Variants in ZBTB8A observed in about 807,000 individuals in gnomAD.
ZBTB8A encodes the protein zinc finger and BTB domain-containing protein 8A.
ZBTB8A carries 19 observed loss-of-function variants against 37.8 expected under a neutral mutation model. The observed-to-expected ratio is 0.50, with a 90% CI of 0.35 to 0.74. The LOEUF is 0.74. Ranked by LOEUF, ZBTB8A falls within the 30% of genes least tolerant of loss-of-function variation. The pLI is 0.01. For missense variants in ZBTB8A, 394 were observed against 537.8 expected, an observed-to-expected ratio of 0.73 and a Z score of 2.65; for synonymous variants, 181 against 185.2, an observed-to-expected ratio of 0.98 and a Z score of 0.19.
chr1:32,561,096 G>C (rs1570327645), intron 2 of ZBTB8A, among the ~76,000 whole-genome samples: 1 of 105,068 alleles, frequency 9.5e-6, no homozygotes, highest in Non-Finnish European at 1.7e-5. Context: ...AATGCTTACA[G>C]GGTCTAATCC....
chr1:32,577,724 G>A (rs1321444673), intron 2 of ZBTB8A, among the ~76,000 whole-genome samples: 1 of 150,472 alleles, frequency 6.6e-6, no homozygotes, highest in African/African-American at 2.4e-5. Context: ...TGGGATTACA[G>A]GTGTTTGCCA....
chr1:32,575,263 T>C (rs1458758054), intron 2 of ZBTB8A, among the ~76,000 whole-genome samples: 1 of 148,990 alleles, frequency 6.7e-6, no homozygotes, highest in Non-Finnish European at 1.5e-5. Flanking sequence ...GTTTCGCTCT[T>C]TCCCCGAGGC....
chr1:32,546,013 G>A (rs1644100850), intron 1 of ZBTB8A, among the ~76,000 whole-genome samples: 1 of 152,130 alleles, frequency 6.6e-6, no homozygotes, highest in Non-Finnish European at 1.5e-5. Context: ...TTGAAAGTGA[G>A]CACTGACCTT....
intron 2 of ZBTB8A, among the ~76,000 whole-genome samples, chr1:32,591,441 ACT>A (rs1644487599): frequency 6.6e-6 from 1 of 151,374 alleles, no homozygotes; most frequent in Admixed American, 6.6e-5. Context: ...CTGGTCTCAC[ACT>A]CCTGGGCTCA....
Position 32,597,150 on chromosome 1 carries a change from G to A in ZBTB8A, c.993+1927G>A, listed in dbSNP as rs575277712. On this transcript the variant is annotated intron_variant, in intron 4 of 4. Transcript: ENST00000373510. ...GCCTCCCGAGTAGCTGGGACTACAG[G>A]TGCCCACCTAGTTTTTGTATTTTTA... Among the ~76,000 whole-genome samples, 26 of 151,938 alleles carry A rather than the reference G, an allele frequency of 1.7e-4. 1 individual carries two copies. Among genetic ancestry groups the A allele is most frequent in the Admixed American group, 7.2e-4 (11 of 15,226 alleles).
chr1:32,568,348 C>G (rs1406641373), intron 2 of ZBTB8A, among the ~76,000 whole-genome samples: 1 of 151,868 alleles, frequency 6.6e-6, no homozygotes, highest in African/African-American at 2.4e-5. Flanking sequence ...CAGTTTCAGG[C>G]AACTGTAATC....
rs1040722501 is a variant in ZBTB8A, at chr1:32,601,872, A to G, written c.*1453A>G. ...TCAAATAATGCTAAGTAATGTCCCT[A>G]CAGTACCTATTGGTATGTTTTTATG... On this transcript the variant is annotated 3_prime_UTR_variant, in exon 5 of 5. Coordinates refer to ENST00000373510, the MANE Select transcript of ZBTB8A (RefSeq NM_001040441.3). 2.8e-5 allele frequency: 11 copies of G among 394,070 alleles called. No homozygotes were observed. The highest frequency in any genetic ancestry group is 2.3e-4 in the African/African-American group (11 of 48,562). 24.4% of individuals were successfully genotyped at this position (394,070 alleles called of 1,614,324 possible). A position where few individuals can be genotyped will look rare whatever the true frequency, so the allele number is the denominator to read the frequency against.
At chr1:32,592,892 T>G in intron 2 of ZBTB8A, 39 bp from the exon 3 acceptor site, 3 of 1,488,866 alleles carry the variant, frequency 2.0e-6, no homozygotes, top group Non-Finnish European at 2.7e-6. Context: ...ATAATTGTAA[T>G]GTAGGTTTTG....
intron 1 of ZBTB8A, among the ~76,000 whole-genome samples, chr1:32,551,283 T>A (rs72652163): frequency 0.11 from 17,265 of 151,908 alleles, 1,078 homozygotes; most frequent in African/African-American, 0.18. Flanking sequence ...AATACAAAAT[T>A]TAGCCTGGTA....
At chr1:32,563,861 C>G (rs1370899036) in intron 2 of ZBTB8A, among the ~76,000 whole-genome samples, 1 of 152,140 alleles carries the variant, frequency 6.6e-6, no homozygotes, top group Non-Finnish European at 1.5e-5. Flanking sequence ...GAAGCCCCAT[C>G]ATAGAACCTA....
At chr1:32,571,399 TTATGAA>T (rs1188588550) in intron 2 of ZBTB8A, among the ~76,000 whole-genome samples, 1 of 152,234 alleles carries the variant, frequency 6.6e-6, no homozygotes, top group African/African-American at 2.4e-5. Context: ...GGAGTTTTTA[TTATGAA>T]TAAGTGTTGG....
intron 2 of ZBTB8A, among the ~76,000 whole-genome samples, chr1:32,584,492 T>TTTTC (rs1263744932): frequency 2.1e-4 from 31 of 149,592 alleles, no homozygotes; most frequent in South Asian, 4.2e-4. Flanking sequence ...ATCATTCTTT[T>TTTTC]TTTCTTTCTT....
At chr1:32,595,580 T>G (rs1387167872) in intron 4 of ZBTB8A, among the ~76,000 whole-genome samples, 2 of 151,230 alleles carry the variant, frequency 1.3e-5, no homozygotes, top group Non-Finnish European at 2.9e-5. Flanking sequence ...GTTTTGTTTT[T>G]TTTTTTTGAG....
chr1:32,557,814 C>T (rs1467531148), intron 2 of ZBTB8A, among the ~76,000 whole-genome samples: 1 of 152,154 alleles, frequency 6.6e-6, no homozygotes, highest in African/African-American at 2.4e-5. Flanking sequence ...AAATGCCACC[C>T]TCTGTTGATG....
At chr1:32,548,403 C>T (rs994178660) in intron 1 of ZBTB8A, among the ~76,000 whole-genome samples, 10 of 151,940 alleles carry the variant, frequency 6.6e-5, no homozygotes, top group African/African-American at 2.2e-4. Context: ...GGTGCAATCT[C>T]GGCTCACTGC....
rs539627491 is a variant in ZBTB8A at position 32,581,454 on chromosome 1, C to T, written c.-1-11477C>T. Reference sequence around the variant, plus strand: ...GCAACCTCCATCCCCCAGGTTCAAGCGATTCTTCTGCCTCAGCCTCCCAAG... The same window carrying T: ...GCAACCTCCATCCCCCAGGTTCAAGTGATTCTTCTGCCTCAGCCTCCCAAG... On this transcript the variant is annotated intron_variant, in intron 2 of 4. Transcript: ENST00000373510. Among the ~76,000 whole-genome samples, 5 of 149,756 alleles carry T rather than the reference C, an allele frequency of 3.3e-5. No individual in the cohort carries two copies. The South Asian group carries it at 6.3e-4, about 19-fold the overall frequency.
intron 2 of ZBTB8A, among the ~76,000 whole-genome samples, chr1:32,592,245 T>G (rs1644495537): frequency 6.6e-6 from 1 of 152,162 alleles, no homozygotes; most frequent in Non-Finnish European, 1.5e-5. Context: ...AAAAGAGGCT[T>G]CTGATTATTA....
intron 2 of ZBTB8A, among the ~76,000 whole-genome samples, chr1:32,577,578 AT>A (rs1644372314): frequency 8.5e-6 from 1 of 117,260 alleles, no homozygotes; most frequent in Non-Finnish European, 1.8e-5. Flanking sequence ...AATTTCAGAT[AT>A]TGTATTCTTT....
Position 32,593,527 on chromosome 1 carries a change from A to G in ZBTB8A, c.596A>G (p.Lys199Arg), listed in dbSNP as rs1370826601. 2.5e-6 allele frequency: 4 copies of G among 1,614,102 alleles called. No homozygotes were observed. Among genetic ancestry groups the G allele is most frequent in the East Asian group, 2.2e-5 (1 of 44,892 alleles). Residue 199 changes from lysine (K) to arginine (R), a missense_variant, in exon 3 of 5, where the codon AAG (lysine) becomes AGG (arginine). Lys to Arg is a conservative substitution (Grantham distance 26). Coordinates refer to ENST00000373510, the MANE Select transcript of ZBTB8A (RefSeq NM_001040441.3). ...AAGAATACTCAACAACCCTTGGCCA[A>G]GCATGAACCAAGGAAAGAGTCCATT... ...SQKNTQQPLAKHEPRKESIKK... is the reference protein window; with the variant it reads ...SQKNTQQPLARHEPRKESIKK...
Sources: gnomAD v4.1 joint callset for allele counts (sites outside exome capture counted in the v4.1 genomes callset) on GRCh38, gnomAD v4.1.1 for gene constraint, MANE v1.5 for transcripts, NCBI Gene and HGNC (gene_info 2026-07-23, HGNC 2026-07-21) for gene names.